The following INTS11 variants were observed in gnomAD, a reference collection of about 807,000 sequenced individuals.
The protein encoded by INTS11 is CPSF3-like protein.
In INTS11, 77 loss-of-function variants were observed where a neutral mutation model predicts 78.6. The ratio of observed to expected loss-of-function variants is 0.98; its 90% CI spans 0.81 to 1.18. The LOEUF (loss-of-function observed/expected upper bound fraction) is 1.18, where lower values mean the gene tolerates loss of function less well. INTS11 is among the 50% of genes most tolerant of loss of function. The probability of loss-of-function intolerance (pLI) is 0.00; values close to 1 mark genes in which losing one functional copy is unlikely to be tolerated. For synonymous variants in INTS11, 441 were observed against 326.9 expected, an observed-to-expected ratio of 1.35 and a Z score of -3.77; for missense variants, 875 against 825.9, an observed-to-expected ratio of 1.06 and a Z score of -0.73.
At chr1:1,322,116 C>T (rs547693506) in intron 1 of INTS11, 7 of 507,816 alleles carry the variant, frequency 1.4e-5, no homozygotes, top group Non-Finnish European at 2.3e-5. Context: ...GCCAGGCTCA[C>T]AGAGGCCCTC....
chr1:1,313,515 CT>C lies in INTS11; in HGVS notation c.1034del (p.Lys345ArgfsTer79). On this transcript the variant is annotated frameshift_variant, in exon 10 of 17. Coordinates refer to ENST00000435064, the MANE Select transcript of INTS11 (RefSeq NM_017871.6). LOFTEE classifies it high-confidence loss of function. Reference sequence around the variant, plus strand: ...CACCTCACCATGCCCTCACCATGTTCTTTTCGTTTCCGGCCCATTTCCGGAA... The same window carrying C: ...CACCTCACCATGCCCTCACCATGTTCTTTCGTTTCCGGCCCATTTCCGGAA... Reference protein sequence around the residue: ...QIFRKWAGNEKNMVIMPGYCV... With the variant: ...QIFRKWAGNEXNMVIMPGYCV... The C allele has an allele frequency of 1.2e-6, 2 of 1,613,044 alleles. No homozygotes were observed. The highest frequency in any genetic ancestry group is 8.5e-7 in the Non-Finnish European group (1 of 1,180,010).
At chr1:1,320,370 T>A in intron 3 of INTS11, 86 bp downstream of exon 3, 1 of 1,323,454 alleles carries the variant, frequency 7.6e-7, no homozygotes, top group Non-Finnish European at 1.1e-6. Flanking sequence ...ACAGGCCCCT[T>A]GCCAAACGCT....
At chr1:1,324,459 G>T in intron 1 of INTS11, 122 bp downstream of exon 1, 2 of 1,024,930 alleles carry the variant, frequency 2.0e-6, no homozygotes, top group Non-Finnish European at 2.8e-6. Context: ...GCGGGGAGGA[G>T]ACCGGAGGAC....
chr1:1,322,475 G>A (rs1369866024), intron 1 of INTS11, among the ~76,000 whole-genome samples: 6 of 136,176 alleles, frequency 4.4e-5, no homozygotes, highest in East Asian at 2.2e-4. Context: ...GAGAGAATGA[G>A]GAAGCCTCAA....
chr1:1,321,895 G>GA, intron 1 of INTS11: 24 of 800,922 alleles, frequency 3.0e-5, no homozygotes, highest in Non-Finnish European at 4.0e-5. Flanking sequence ...TTTTCCCCTT[G>GA]AATCCCACCC....
intron 6 of INTS11, 81 bp from the exon 7 acceptor site, chr1:1,315,043 G>T: frequency 6.5e-7 from 1 of 1,540,746 alleles, no homozygotes; most frequent in Non-Finnish European, 8.9e-7. Context: ...CTGGACCCCA[G>T]TACCACGCCC....
intron 6 of INTS11, chr1:1,315,183 C>G: frequency 1.4e-6 from 1 of 717,506 alleles, no homozygotes; most frequent in South Asian, 1.8e-5. Flanking sequence ...ACAGAGGCAC[C>G]CACCCAGAGA....
intron 6 of INTS11, 133 bp from the exon 7 acceptor site, chr1:1,315,095 G>C (rs1642497758): frequency 8.8e-7 from 1 of 1,132,706 alleles, no homozygotes; most frequent in Non-Finnish European, 1.3e-6. Context: ...GAGCCAGCTG[G>C]TAAAATGCTG....
intron 9 of INTS11, 62 bp downstream of exon 9, chr1:1,313,670 C>T (rs1642388862): frequency 6.2e-7 from 1 of 1,610,530 alleles, no homozygotes; most frequent in Non-Finnish European, 8.5e-7. Context: ...AGCCCAGACA[C>T]CTGCGGAAGA....
rs1557635233 is a variant in INTS11, at chr1:1,314,919, C to CT, written c.606dup (p.Glu203ArgfsTer10). On this transcript the variant is annotated frameshift_variant, in exon 7 of 17. Coordinates refer to ENST00000435064, the MANE Select transcript of INTS11 (RefSeq NM_017871.6). LOFTEE classifies it high-confidence loss of function. This position sits in a 1 kb window ranked among gnomAD's most constrained non-coding sequence, Gnocchi z 4.2. ...CGGATGGTCGTGGCGTACGTGGACT[C>CT]TGTGATGAGCAGGTTGGGGCGGCAC... 6.2e-7 allele frequency: 1 copy of CT among 1,613,100 alleles called. No homozygotes were observed. Among genetic ancestry groups the CT allele is most frequent in the Non-Finnish European group, 8.5e-7 (1 of 1,179,936 alleles).
At position 1,314,105 on chromosome 1, in the gene INTS11, C is replaced by T. The variant is rs755734184; in HGVS notation, c.768-184G>A. ...CGGGCTCAGCGGAGAACCAGGAACCCCTACAAGAGCCGCACACGGTGGCGC... is the reference window on the plus strand; with the variant it reads ...CGGGCTCAGCGGAGAACCAGGAACCTCTACAAGAGCCGCACACGGTGGCGC... On this transcript the variant is annotated intron_variant, in intron 8 of 16. Transcript: ENST00000435064. This position sits in a 1 kb window ranked among gnomAD's most constrained non-coding sequence, Gnocchi z 4.2. The T allele has an allele frequency of 1.3e-6, 1 of 759,882 alleles. No individual in the cohort carries two copies. Among genetic ancestry groups the T allele is most frequent in the Non-Finnish European group, 2.2e-6 (1 of 460,362 alleles). 47.1% of individuals were successfully genotyped at this position (759,882 alleles called of 1,614,324 possible).
rs769104260 is a variant in INTS11 at position 1,313,808 on chromosome 1, A to C, written c.881T>G (p.Phe294Cys). Residue 294 changes from phenylalanine to cysteine, a missense_variant, in exon 9 of 17, where the codon TTC becomes TGC. Transcript: ENST00000435064. ...GAACTCAAACATGTTCCTCTGCACGAAAGTCTTGCGGATCTTCTGGTTGGT... is the reference window on the plus strand; with the variant it reads ...GAACTCAAACATGTTCCTCTGCACGCAAGTCTTGCGGATCTTCTGGTTGGT... ...PWTNQKIRKT[F>C]VQRNMFEFKH... 5 of 1,613,502 alleles carry C rather than the reference A, an allele frequency of 3.1e-6. No homozygotes were observed. In the East Asian group the frequency reaches 1.1e-4, roughly 36 times the overall value.
At chr1:1,323,113 C>T (rs771315709) in intron 1 of INTS11, 6 of 1,526,786 alleles carry the variant, frequency 3.9e-6, no homozygotes, top group Non-Finnish European at 5.3e-6. Flanking sequence ...GGGGTGTGCA[C>T]AGGCCAGGGG....
chr1:1,318,331 C>T (rs1642737620), intron 4 of INTS11, among the ~76,000 whole-genome samples: 3 of 152,122 alleles, frequency 2.0e-5, no homozygotes, highest in South Asian at 4.1e-4. Context: ...TGTTACCAGG[C>T]ATTAGAAATG....
rs1642460292 is a variant in INTS11, at chr1:1,314,584, G to C, written c.703-219C>G. On this transcript the variant is annotated intron_variant, in intron 7 of 16. Coordinates refer to ENST00000435064, the MANE Select transcript of INTS11 (RefSeq NM_017871.6). This position sits in a 1 kb window ranked among gnomAD's most constrained non-coding sequence, Gnocchi z 4.2. ...TGAGAGACAGAAGGGAGCTGCATGA[G>C]AGACAGAAGGAGCCTGGCCAGGGCT... 1.6e-6 allele frequency: 1 copy of C among 633,196 alleles called. No individual in the cohort carries two copies. The highest frequency in any genetic ancestry group is 1.8e-5 in the African/African-American group (1 of 54,374). The allele number at this position is 633,196 out of a possible 1,614,324, so 39.2% of individuals were successfully genotyped here. A position where few individuals can be genotyped will look rare whatever the true frequency, so the allele number is the denominator to read the frequency against.
rs770835204 is a variant in INTS11, at chr1:1,312,081, G to A, written c.1674C>T (p.Leu558=). Residue 558 remains leucine (L), a synonymous_variant, in exon 16 of 17, where the codon CTC becomes CTT. Coordinates refer to ENST00000435064, the MANE Select transcript of INTS11 (RefSeq NM_017871.6). ...GGTCCTCAGAAGGGGCGGCGGCCTG[G>A]AGGAGGACGGACTCCACAGTCACAG... is the stretch of plus-strand genomic sequence containing the variant. ...DGSVTVESVL[L]QAAAPSEDPG... 27 of 1,573,238 alleles carry A rather than the reference G, an allele frequency of 1.7e-5. No individual in the cohort carries two copies. In the East Asian group the frequency reaches 4.1e-4, roughly 24 times the overall value.
Position 1,319,317 on chromosome 1 carries a change from G to A in INTS11, c.408C>T (p.Val136=), listed in dbSNP as rs771487101. 10 of 1,613,204 alleles carry A rather than the reference G, an allele frequency of 6.2e-6. No homozygotes were observed. The South Asian group carries it at 1.1e-4, about 18-fold the overall frequency. ...IKDCMKKVVA[V]HLHQTVQVDD... Reference sequence around the variant, plus strand: ...TGACCTGGACCGTCTGGTGGAGGTGGACAGCCACCACCTTCTTCATGCAGT... The same window carrying A: ...TGACCTGGACCGTCTGGTGGAGGTGAACAGCCACCACCTTCTTCATGCAGT... The change falls in exon 4 of 17, where the codon GTC becomes GTT. Residue 136 remains valine (V), a synonymous_variant. Transcript: ENST00000435064.
intron 1 of INTS11, chr1:1,321,825 G>C (rs371030918): frequency 7.5e-6 from 8 of 1,066,554 alleles, no homozygotes; most frequent in Middle Eastern, 2.2e-4. Flanking sequence ...GGCCCGAGAG[G>C]AAAGGGTCAC....
chr1:1,311,625 C>T lies in INTS11; in HGVS notation c.*234G>A, dbSNP rs763330959. ...TCTTTTGTTCAGCTTTTACTGGAAA[C>T]TGCTGTCTAGGACCACCTGCCCTAA... is the stretch of plus-strand genomic sequence containing the variant. On this transcript the variant is annotated 3_prime_UTR_variant, in exon 17 of 17. Transcript: ENST00000435064. 2 of 714,240 alleles carry T rather than the reference C, an allele frequency of 2.8e-6. No individual in the cohort carries two copies. The highest frequency in any genetic ancestry group is 1.5e-5 in the South Asian group (1 of 66,938). The allele number at this position is 714,240 out of a possible 1,614,324, so 44.2% of individuals were successfully genotyped here.
Sources: allele counts gnomAD v4.1 joint callset (sites outside exome capture counted in the v4.1 genomes callset), GRCh38; gene constraint gnomAD v4.1.1; non-coding constraint Gnocchi (gnomAD v3.1); transcripts MANE v1.5; gene names NCBI Gene and HGNC (gene_info 2026-07-23, HGNC 2026-07-21).